The following RSF1 variants were observed in gnomAD, a reference collection of about 807,000 sequenced individuals.
The protein encoded by RSF1 is HBV pX-associated protein 8.
A neutral mutation model predicts 145.2 loss-of-function variants in RSF1; 13 were observed. That is an observed-to-expected ratio of 0.09 (90% CI 0.06 to 0.14). RSF1 has a LOEUF of 0.14. Ranked by LOEUF, RSF1 falls within the 10% of genes least tolerant of loss-of-function variation. RSF1 has a pLI of 1.00. For missense variants in RSF1, 1,517 were observed against 1,718.2 expected (o/e 0.88, Z 2.07); for synonymous variants, 577 against 592.6 (o/e 0.97, Z 0.38).
chr11:77,817,067 C>T (rs1488153235), intron 1 of RSF1, among the ~76,000 whole-genome samples: 1 of 152,102 alleles, frequency 6.6e-6, no homozygotes, highest in African/African-American at 2.4e-5. Flanking sequence ...CTTTCTTGCC[C>T]CGAAATTCAA....
chr11:77,828,496 T>G, the RSF1 span, among the ~76,000 whole-genome samples: 2 of 151,678 alleles, frequency 1.3e-5, no homozygotes, highest in Non-Finnish European at 2.9e-5. Flanking sequence ...TGAAACCCCA[T>G]CTCTACTAAA....
At chr11:77,683,608 T>TG in intron 11 of RSF1, 102 bp downstream of exon 11, 2 of 694,586 alleles carry the variant, frequency 2.9e-6, no homozygotes, top group Non-Finnish European at 4.8e-6. Context: ...TATATACAAC[T>TG]GCAATAATCA....
intron 4 of RSF1, among the ~76,000 whole-genome samples, chr11:77,728,348 C>CTTT (rs1565161987): frequency 6.6e-6 from 1 of 152,072 alleles, no homozygotes; most frequent in Non-Finnish European, 1.5e-5. Context: ...TTATATTACA[C>CTTT]GGATAAACTT....
rs1012045550 is a variant in RSF1 at position 77,662,919 on chromosome 11, T to C, written c.*3998A>G. On this transcript the variant is annotated 3_prime_UTR_variant, in exon 16 of 16. Coordinates refer to ENST00000308488, the MANE Select transcript of RSF1 (RefSeq NM_016578.4). ...ATTTTCTGTAATTAAATGATGTTCA[T>C]AATATTTGTATCTGTTGCAATGCAG... 5 of 152,216 alleles carry C rather than the reference T, an allele frequency of 3.3e-5. No homozygotes were observed. Among genetic ancestry groups the C allele is most frequent in the African/African-American group, 9.6e-5 (4 of 41,464 alleles). 9.4% of individuals were successfully genotyped at this position (152,216 alleles called of 1,614,324 possible). A position where few individuals can be genotyped will look rare whatever the true frequency, so the allele number is the denominator to read the frequency against.
chr11:77,786,610 A>G (rs1403571908), intron 1 of RSF1, among the ~76,000 whole-genome samples: 1 of 152,206 alleles, frequency 6.6e-6, no homozygotes, highest in African/African-American at 2.4e-5. Context: ...TAGACACTCA[A>G]TATACAGTGG....
At chr11:77,685,447 C>T (rs1959978760) in intron 9 of RSF1, among the ~76,000 whole-genome samples, 1 of 152,058 alleles carries the variant, frequency 6.6e-6, no homozygotes, top group Admixed American at 6.6e-5. Context: ...AGGTGAGAGC[C>T]ACCACAACCA....
chr11:77,679,662 G>T (rs1959805951), intron 11 of RSF1, among the ~76,000 whole-genome samples: 1 of 145,614 alleles, frequency 6.9e-6, no homozygotes, highest in African/African-American at 2.6e-5. Context: ...GACAGAGCGA[G>T]ACCCTGTCTC....
At chr11:77,712,061 T>C (rs1159497142) in intron 5 of RSF1, among the ~76,000 whole-genome samples, 1 of 152,196 alleles carries the variant, frequency 6.6e-6, no homozygotes, top group African/African-American at 2.4e-5. Flanking sequence ...AAAAGTTACG[T>C]TGTGCTTTGT....
chr11:77,844,900 G>A, the RSF1 span, among the ~76,000 whole-genome samples: 97 of 152,176 alleles, frequency 6.4e-4, no homozygotes, highest in African/African-American at 2.2e-3. Flanking sequence ...TTGATCAATC[G>A]TCTTTTTCTT....
chr11:77,731,109 T>A (rs1311570931), intron 4 of RSF1, among the ~76,000 whole-genome samples: 3 of 152,180 alleles, frequency 2.0e-5, no homozygotes, highest in Non-Finnish European at 4.4e-5. Context: ...ACTTGTTGAA[T>A]GGTTTTGACA....
chr11:77,667,253 C>T lies in RSF1; in HGVS notation c.3990G>A (p.Leu1330=). The change falls in exon 16 of 16, where the codon CTG becomes CTA. Residue 1330 remains leucine, a synonymous_variant. Transcript: ENST00000308488. ...TCTTGGTGCTCTCTTGTTCTGAGGG[C>T]AGGACCCTAGGCTGGCTGTCACGGG... The part of the protein sequence containing the change: ...QPARDSQPRV[L]PSEQESTKKP... 1 of 1,614,186 alleles carries T rather than the reference C, an allele frequency of 6.2e-7. No individual in the cohort carries two copies. The highest frequency in any genetic ancestry group is 8.5e-7 in the Non-Finnish European group (1 of 1,180,024).
chr11:77,830,478 A>AC, the RSF1 span, among the ~76,000 whole-genome samples: 1 of 105,486 alleles, frequency 9.5e-6, no homozygotes, highest in East Asian at 3.3e-4. Flanking sequence ...GACGACACCC[A>AC]CCCCCCACCC....
chr11:77,708,757 C>G (rs555170183), intron 5 of RSF1, among the ~76,000 whole-genome samples: 123 of 152,320 alleles, frequency 8.1e-4, no homozygotes, highest in African/African-American at 2.7e-3. Context: ...CTCTCTCCCC[C>G]CTTTCAGAGC....
the RSF1 span, chr11:77,842,614 G>T: frequency 6.2e-7 from 1 of 1,613,868 alleles, no homozygotes; most frequent in Non-Finnish European, 8.5e-7. Context: ...GGATTGGAGA[G>T]AAACAGGAAC....
intron 5 of RSF1, among the ~76,000 whole-genome samples, chr11:77,723,450 G>C (rs1255177376): frequency 6.6e-6 from 1 of 152,170 alleles, no homozygotes; most frequent in African/African-American, 2.4e-5. Context: ...GCGACAGAGA[G>C]AGATCCTGTC....
intron 7 of RSF1, among the ~76,000 whole-genome samples, chr11:77,694,641 A>C (rs1960238690): frequency 1.3e-5 from 2 of 152,184 alleles, no homozygotes; most frequent in African/African-American, 2.4e-5. Flanking sequence ...TACCTCATAT[A>C]ACTATGGTAC....
chr11:77,702,644 C>A, intron 5 of RSF1, 149 bp from the exon 6 acceptor site: 1 of 462,908 alleles, frequency 2.2e-6, no homozygotes, highest in Non-Finnish European at 3.5e-6. Context: ...AAAATAAAAT[C>A]TGACAATGAA....
At chr11:77,746,600 A>G (rs1948004742) in intron 3 of RSF1, among the ~76,000 whole-genome samples, 1 of 152,200 alleles carries the variant, frequency 6.6e-6, no homozygotes, top group Admixed American at 6.5e-5. Flanking sequence ...TCAAACTTGT[A>G]AAAAAGCCTA....
intron 1 of RSF1, among the ~76,000 whole-genome samples, chr11:77,817,997 G>C (rs1435073678): frequency 6.6e-6 from 1 of 152,142 alleles, no homozygotes; most frequent in Non-Finnish European, 1.5e-5. Context: ...TTCACCTGCA[G>C]AGACTTCTCA....
Sources: allele counts gnomAD v4.1 joint callset (sites outside exome capture counted in the v4.1 genomes callset), GRCh38; gene constraint gnomAD v4.1.1; transcripts MANE v1.5; gene names NCBI Gene and HGNC (gene_info 2026-07-23, HGNC 2026-07-21).